Variants in CSPP1 observed in about 807,000 individuals in gnomAD.
The protein encoded by CSPP1 is centrosome and spindle pole associated protein 1, also known as centrosome and spindle pole-associated protein 1.
A neutral mutation model predicts 164.4 loss-of-function variants in CSPP1; 126 were observed. The ratio of observed to expected loss-of-function variants is 0.77; its 90% CI spans 0.66 to 0.89. The LOEUF (loss-of-function observed/expected upper bound fraction) is 0.89, where lower values mean the gene tolerates loss of function less well. Ranked by LOEUF, CSPP1 falls within the 40% of genes least tolerant of loss-of-function variation. The pLI is 0.00. For missense variants in CSPP1, 1,395 were observed against 1,449.8 expected (o/e 0.96, Z 0.61); for synonymous variants, 472 against 476.7 (o/e 0.99, Z 0.13).
chr8:67,097,761 TATC>T (rs1194473178), intron 7 of CSPP1, among the ~76,000 whole-genome samples: 7 of 151,960 alleles, frequency 4.6e-5, no homozygotes, highest in Non-Finnish European at 8.8e-5. Flanking sequence ...AACAAATGAA[TATC>T]ATTCTATTTG....
chr8:67,146,486 T>C (rs1038805127), intron 17 of CSPP1, among the ~76,000 whole-genome samples: 7 of 152,176 alleles, frequency 4.6e-5, no homozygotes, highest in African/African-American at 1.7e-4. Flanking sequence ...TTATGAGCCA[T>C]CAGTTAGAAT....
intron 12 of CSPP1, chr8:67,114,856 C>G (rs1817608410): frequency 6.6e-6 from 1 of 152,112 alleles, no homozygotes; most frequent in South Asian, 2.1e-4. Context: ...TATACAGTGT[C>G]AAGTTGATTT....
intron 3 of CSPP1, among the ~76,000 whole-genome samples, chr8:67,078,691 C>T (rs1808480021): frequency 6.7e-6 from 1 of 149,562 alleles, no homozygotes; most frequent in Admixed American, 6.7e-5. Flanking sequence ...GTTTTTCGGG[C>T]TGGGCGTGGT....
intron 24 of CSPP1, among the ~76,000 whole-genome samples, chr8:67,171,118 C>T (rs927928772): frequency 3.7e-5 from 5 of 135,314 alleles, no homozygotes; most frequent in African/African-American, 7.9e-5. Flanking sequence ...GACGGGGGGC[C>T]GGGTGCAGTG....
In CSPP1 at chr8:67,095,397, C is replaced by G; in HGVS notation, c.588C>G (p.Val196=). The change falls in exon 7 of 31, where the codon GTC becomes GTG. Residue 196 remains valine, a synonymous_variant. Transcript: ENST00000678616. ...ATTCAGAGGGTCCTAGAAAAGATGT[C>G]TTAACTCCTTCAGAGGCATATGAAG... The part of the protein sequence containing the change: ...CENSEGPRKD[V]LTPSEAYEEL... 1 of 1,613,042 alleles carries G rather than the reference C, an allele frequency of 6.2e-7. No homozygotes were observed. Among genetic ancestry groups the G allele is most frequent in the Non-Finnish European group, 8.5e-7 (1 of 1,179,610 alleles).
chr8:67,176,500 G>A (rs1831674061), intron 26 of CSPP1, among the ~76,000 whole-genome samples: 1 of 152,140 alleles, frequency 6.6e-6, no homozygotes, highest in South Asian at 2.1e-4. Context: ...ATAGCCCTGT[G>A]ACAGAATAAG....
At chr8:67,127,782 T>C (rs1438839496) in intron 15 of CSPP1, among the ~76,000 whole-genome samples, 1 of 152,244 alleles carries the variant, frequency 6.6e-6, no homozygotes, top group Admixed American at 6.5e-5. Flanking sequence ...TAGTTGTTTT[T>C]AAGTTCTTCT....
At chr8:67,186,011 G>C (rs1834482991) in intron 28 of CSPP1, among the ~76,000 whole-genome samples, 1 of 152,188 alleles carries the variant, frequency 6.6e-6, no homozygotes, top group Non-Finnish European at 1.5e-5. Context: ...TCTTCCCAAA[G>C]TAGAAGCCAA....
chr8:67,151,570 A>G (rs145100177), intron 18 of CSPP1, among the ~76,000 whole-genome samples: 7 of 152,274 alleles, frequency 4.6e-5, no homozygotes, highest in Non-Finnish European at 1.0e-4. Context: ...ACACCAGAAA[A>G]TCAACAGTTC....
rs1369528194 is a variant in CSPP1 at position 67,095,684 on chromosome 8, A to G, written c.875A>G (p.Tyr292Cys). Residue 292 changes from tyrosine to cysteine, a missense_variant, in exon 7 of 31, where the codon TAT becomes TGT. Tyr to Cys is a radical substitution (Grantham distance 194). Coordinates refer to ENST00000678616, the MANE Select transcript of CSPP1 (RefSeq NM_001382391.1). Reference protein sequence around the residue: ...VSEEMDERFRYESDFDRRLSR... With the variant: ...VSEEMDERFRCESDFDRRLSR... Reference sequence around the variant, plus strand: ...GAAGAAATGGATGAGAGGTTTAGATATGAAAGTGATTTTGATAGAAGACTT... The same window carrying G: ...GAAGAAATGGATGAGAGGTTTAGATGTGAAAGTGATTTTGATAGAAGACTT... The G allele has an allele frequency of 6.8e-6, 11 of 1,608,658 alleles. No individual in the cohort carries two copies. The highest frequency in any genetic ancestry group is 2.7e-5 in the African/African-American group (2 of 74,722).
rs6472294 is a variant in CSPP1, at chr8:67,168,654, A to T, written c.2829-3762A>T. ...ACATTTACTTTGGAATAATTTTAAT[A>T]CATATTCTGATTAAAGACATCTCAG... On this transcript the variant is annotated intron_variant, in intron 24 of 30. Transcript: ENST00000678616. Among the ~76,000 whole-genome samples, 1,296 of 152,320 alleles carry T rather than the reference A, an allele frequency of 8.5e-3. 20 individuals carry two copies. The highest frequency in any genetic ancestry group is 0.03 in the African/African-American group (1,232 of 41,568).
At chr8:67,099,077 T>C (rs928576779) in intron 7 of CSPP1, among the ~76,000 whole-genome samples, 1 of 152,002 alleles carries the variant, frequency 6.6e-6, no homozygotes, top group African/African-American at 2.4e-5. Context: ...AGTTGTTGAC[T>C]CTTGTCTTCA....
Position 67,193,558 on chromosome 8 carries a change from G to A in CSPP1, c.3425G>A (p.Arg1142Gln), listed in dbSNP as rs768899319. 2.4e-5 allele frequency: 38 copies of A among 1,613,790 alleles called. No individual in the cohort carries two copies. Among genetic ancestry groups the A allele is most frequent in the Non-Finnish European group, 2.9e-5 (34 of 1,179,700 alleles). Residue 1142 changes from arginine to glutamine, a missense_variant, in exon 30 of 31, where the codon CGA becomes CAA. Arg to Gln is a conservative substitution (Grantham distance 43, BLOSUM62 1). Transcript: ENST00000678616. ...GAGCTTAGAGTGAGAAATGAGGAAC[G>A]AATGCGAAGACTGAATGAATTTCAC... is the stretch of plus-strand genomic sequence containing the variant. ...VDELRVRNEE[R>Q]MRRLNEFHNK...
At chr8:67,190,885 T>TC in intron 29 of CSPP1, 126 bp downstream of exon 29, 1 of 690,450 alleles carries the variant, frequency 1.4e-6, no homozygotes. Context: ...GGTCTGAATC[T>TC]AGGCTCTGCC....
chr8:67,120,049 G>A (rs918350914), intron 15 of CSPP1, among the ~76,000 whole-genome samples: 1 of 151,934 alleles, frequency 6.6e-6, no homozygotes, highest in African/African-American at 2.4e-5. Context: ...ATTTTTTTAT[G>A]GTATTGCATA....
chr8:67,108,217 A>G (rs553177281), intron 9 of CSPP1, among the ~76,000 whole-genome samples: 1 of 151,766 alleles, frequency 6.6e-6, no homozygotes, highest in South Asian at 2.1e-4. Context: ...CAACATAGGG[A>G]GACCATGTCT....
chr8:67,112,284 A>G (rs1317577573), intron 10 of CSPP1, among the ~76,000 whole-genome samples: 1 of 142,732 alleles, frequency 7.0e-6, no homozygotes, highest in East Asian at 2.0e-4. Flanking sequence ...GTATTTATAT[A>G]TTCTGTAATA....
chr8:67,112,850 G>C (rs1329479109), intron 10 of CSPP1, among the ~76,000 whole-genome samples: 1 of 152,192 alleles, frequency 6.6e-6, no homozygotes, highest in African/African-American at 2.4e-5. Context: ...AAGTATTTAT[G>C]TTGTACATAG....
intron 15 of CSPP1, among the ~76,000 whole-genome samples, chr8:67,120,459 A>G (rs562433610): frequency 3.0e-4 from 45 of 152,324 alleles, no homozygotes; most frequent in Middle Eastern, 3.4e-3. Flanking sequence ...TAGTTTTGAC[A>G]TTTTAACAGT....
Sources: gnomAD v4.1 joint callset for allele counts (sites outside exome capture counted in the v4.1 genomes callset) on GRCh38, gnomAD v4.1.1 for gene constraint, MANE v1.5 for transcripts, NCBI Gene and HGNC (gene_info 2026-07-23, HGNC 2026-07-21) for gene names.